MPPED2: variants seen among roughly 807,000 people sequenced by gnomAD.
The protein encoded by MPPED2 is metallophosphoesterase domain containing 2, also known as metallophosphoesterase MPPED2.
Under a neutral mutation model 33.0 loss-of-function variants are expected in MPPED2, and 5 were observed. The ratio of observed to expected loss-of-function variants is 0.15; its 90% confidence interval spans 0.08 to 0.32. The LOEUF (loss-of-function observed/expected upper bound fraction) is 0.32. Among genes scored for constraint, MPPED2 ranks in the 10% least tolerant of loss-of-function variants. The pLI is 1.00. For synonymous variants in MPPED2, 136 were observed against 141.9 expected (o/e 0.96, Z 0.29); for missense variants, 275 against 372.1 (o/e 0.74, Z 2.15).
chr11:30,412,992 G>A (rs1565042167), intron 6 of MPPED2, among the ~76,000 whole-genome samples: 1 of 152,104 alleles, frequency 6.6e-6, no homozygotes, highest in African/African-American at 2.4e-5. Context: ...CCCATCACTG[G>A]TGTTCCCTCC....
At chr11:30,468,027 A>G (rs1476818390) in intron 4 of MPPED2, among the ~76,000 whole-genome samples, 1 of 152,320 alleles carries the variant, frequency 6.6e-6, no homozygotes, top group Middle Eastern at 3.4e-3. Context: ...CGATGCAAGT[A>G]AAAGATGCCA....
intron 2 of MPPED2, among the ~76,000 whole-genome samples, chr11:30,546,858 T>C (rs1955451312): frequency 2.0e-5 from 3 of 152,206 alleles, no homozygotes; most frequent in Non-Finnish European, 4.4e-5. Flanking sequence ...AGACTTAATA[T>C]TTGTTTCTCT....
At chr11:30,441,700 C>T (rs141094093) in intron 4 of MPPED2, among the ~76,000 whole-genome samples, 1 of 152,292 alleles carries the variant, frequency 6.6e-6, no homozygotes, top group East Asian at 1.9e-4. Context: ...AAGCTTCGGC[C>T]TCAGCTTTTC....
intron 3 of MPPED2, among the ~76,000 whole-genome samples, chr11:30,524,163 G>T (rs1954033495): frequency 6.6e-6 from 1 of 152,158 alleles, no homozygotes; most frequent in African/African-American, 2.4e-5. Flanking sequence ...TGAGGCAGGA[G>T]AATCGCTTGA....
intron 3 of MPPED2, among the ~76,000 whole-genome samples, chr11:30,515,067 C>A (rs1953447749): frequency 6.6e-6 from 1 of 152,134 alleles, no homozygotes; most frequent in Non-Finnish European, 1.5e-5. Context: ...TGCACTCCAG[C>A]CTGGGCAAAA....
chr11:30,575,124 T>C (rs1956871116), intron 2 of MPPED2, among the ~76,000 whole-genome samples: 1 of 152,170 alleles, frequency 6.6e-6, no homozygotes, highest in Admixed American at 6.5e-5. Flanking sequence ...TGTAGTACTT[T>C]GGCATGAAAT....
At chr11:30,560,391 A>G (rs1956186191) in intron 2 of MPPED2, among the ~76,000 whole-genome samples, 1 of 152,004 alleles carries the variant, frequency 6.6e-6, no homozygotes, top group Non-Finnish European at 1.5e-5. Context: ...TCCAACCAAC[A>G]CTGACTGGCA....
chr11:30,532,764 A>G (rs527611742), intron 3 of MPPED2, among the ~76,000 whole-genome samples: 4 of 152,286 alleles, frequency 2.6e-5, no homozygotes, highest in Non-Finnish European at 5.9e-5. Flanking sequence ...GTTTGAGTTC[A>G]ATCTTCTTAT....
intron 4 of MPPED2, among the ~76,000 whole-genome samples, chr11:30,430,145 G>A (rs1275056236): frequency 6.6e-6 from 1 of 152,154 alleles, no homozygotes; most frequent in South Asian, 2.1e-4. Flanking sequence ...AACTGGAGGA[G>A]GTTAGGAAAG....
At chr11:30,417,058 T>A (rs1366836518) in intron 5 of MPPED2, among the ~76,000 whole-genome samples, 1 of 152,154 alleles carries the variant, frequency 6.6e-6, no homozygotes, top group Non-Finnish European at 1.5e-5. Context: ...AATTATCAGC[T>A]CAAATGTTAA....
Position 30,570,225 on chromosome 11 carries a change from T to A in MPPED2, c.128+10021A>T, listed in dbSNP as rs746533982. Among the ~76,000 whole-genome samples the A allele has an allele frequency of 1.4e-4, 21 of 152,138 alleles. No individual in the cohort carries two copies. The East Asian group carries it at 3.9e-3, about 28-fold the overall frequency. On this transcript the variant is annotated intron_variant, in intron 2 of 6. Transcript: ENST00000358117. ...GTCTGCTGATGGCCCAATTCCCAGG[T>A]CACAGGCAGGCATCTTTTCACCGTA...
chr11:30,562,612 T>G (rs1482686760), intron 2 of MPPED2, among the ~76,000 whole-genome samples: 2 of 152,170 alleles, frequency 1.3e-5, no homozygotes, highest in East Asian at 3.9e-4. Context: ...CCTACTCAGT[T>G]AGCATTTATT....
At chr11:30,437,421 A>T (rs1355858322) in intron 4 of MPPED2, among the ~76,000 whole-genome samples, 1 of 152,154 alleles carries the variant, frequency 6.6e-6, no homozygotes, top group Non-Finnish European at 1.5e-5. Context: ...GAGACCTGAA[A>T]GCTTCTATTT....
intron 3 of MPPED2, chr11:30,504,949 C>G: frequency 6.1e-6 from 3 of 487,834 alleles, no homozygotes; most frequent in Non-Finnish European, 7.7e-6. Context: ...CAGGAATGAG[C>G]ACCAGTGTAA....
intron 2 of MPPED2, among the ~76,000 whole-genome samples, chr11:30,577,273 A>G (rs2134880113): frequency 6.6e-6 from 1 of 152,354 alleles, no homozygotes; most frequent in South Asian, 2.1e-4. Context: ...CTTCCTAATT[A>G]AGGTGAAAAA....
At chr11:30,501,327 A>T (rs960829659) in intron 3 of MPPED2, among the ~76,000 whole-genome samples, 1 of 152,242 alleles carries the variant, frequency 6.6e-6, no homozygotes, top group Non-Finnish European at 1.5e-5. Flanking sequence ...CTCATGGCAG[A>T]AACTGGCATG....
chr11:30,401,826 A>G (rs1947911951), intron 6 of MPPED2, among the ~76,000 whole-genome samples: 1 of 150,104 alleles, frequency 6.7e-6, no homozygotes, highest in African/African-American at 2.4e-5. Flanking sequence ...CTGGGACTAC[A>G]GGCACCCGCT....
At chr11:30,399,982 A>C (rs1484099403) in intron 6 of MPPED2, among the ~76,000 whole-genome samples, 24 of 152,226 alleles carry the variant, frequency 1.6e-4, no homozygotes, top group Admixed American at 4.6e-4. Flanking sequence ...CTGTAATTAG[A>C]GATAAGTATT....
chr11:30,391,070 C>G (rs1947767849), intron 6 of MPPED2, among the ~76,000 whole-genome samples: 1 of 152,108 alleles, frequency 6.6e-6, no homozygotes, highest in South Asian at 2.1e-4. Context: ...AAATTTGCAG[C>G]CATTAAACAA....
Sources: allele counts gnomAD v4.1 joint callset (sites outside exome capture counted in the v4.1 genomes callset), GRCh38; gene constraint gnomAD v4.1.1; transcripts MANE v1.5; gene names NCBI Gene and HGNC (gene_info 2026-07-23, HGNC 2026-07-21).